Variants in NF1 observed in about 807,000 individuals in gnomAD.
NF1 encodes neurofibromin.
In NF1, 122 loss-of-function variants were observed where a neutral mutation model predicts 325.7. The observed-to-expected ratio is 0.37, with a 90% confidence interval of 0.32 to 0.44. The LOEUF (loss-of-function observed/expected upper bound fraction) is 0.44. Ranked by LOEUF, NF1 falls within the 20% of genes least tolerant of loss-of-function variation. The pLI, the probability that NF1 is intolerant of heterozygous loss-of-function variation, is 1.00. For synonymous variants in NF1, 1,091 were observed against 1,186.0 expected (o/e 0.92, Z 1.65); for missense variants, 2,140 against 3,415.4 (o/e 0.63, Z 9.31).
At chr17:31,150,894 C>A (rs1916891174) in intron 1 of NF1, among the ~76,000 whole-genome samples, 1 of 151,880 alleles carries the variant, frequency 6.6e-6, no homozygotes, top group African/African-American at 2.4e-5. Context: ...ATTAGCCAGG[C>A]AATGGTGGTG....
chr17:31,159,171 T>A, intron 3 of NF1, 78 bp downstream of exon 3: 1 of 1,020,742 alleles, frequency 9.8e-7, no homozygotes, highest in Non-Finnish European at 1.6e-6. Context: ...AGTACAGATG[T>A]GGACCAAGAG....
intron 1 of NF1, among the ~76,000 whole-genome samples, chr17:31,145,145 C>T (rs1254951660): frequency 3.3e-5 from 5 of 152,190 alleles, no homozygotes; most frequent in Non-Finnish European, 7.3e-5. Context: ...CTTGCAACTA[C>T]TGCCGTGAAT....
At chr17:31,325,681 A>C (rs1470616657) in intron 36 of NF1, 139 bp from the exon 37 acceptor site, 1 of 726,724 alleles carries the variant, frequency 1.4e-6, no homozygotes, top group Non-Finnish European at 2.2e-6. Context: ...CTGATTTAAA[A>C]AATGAATCCA....
chr17:31,116,816 C>T (rs974786827), intron 1 of NF1, among the ~76,000 whole-genome samples: 1 of 149,928 alleles, frequency 6.7e-6, no homozygotes, highest in South Asian at 2.1e-4. Flanking sequence ...TACAGGTGCC[C>T]GCCCCCATGC....
intron 14 of NF1, 48 bp downstream of exon 14, chr17:31,219,166 T>C: frequency 6.4e-7 from 1 of 1,562,720 alleles, no homozygotes; most frequent in South Asian, 1.1e-5. Flanking sequence ...ATTGTAACTA[T>C]GTACATTCAT....
intron 14 of NF1, 194 bp downstream of exon 14, chr17:31,219,312 A>AG: frequency 2.3e-6 from 1 of 440,148 alleles, no homozygotes; most frequent in Non-Finnish European, 4.0e-6. Context: ...TCACATAGCA[A>AG]TAACATTGTA....
chr17:31,182,441 G>A, intron 7 of NF1, 67 bp from the exon 8 acceptor site: 2 of 1,527,190 alleles, frequency 1.3e-6, no homozygotes, highest in Non-Finnish European at 1.8e-6. Context: ...CATAGTGTCA[G>A]CTTTTACTTT....
At position 31,334,953 on chromosome 17, in the gene NF1, C is replaced by A. The variant is rs568852704; in HGVS notation, c.5928C>A (p.Asp1976Glu). ...AKRQRVTAIL[D>E]KLITMTINEK... ...GACAAAGAGTTACTGCTATTCTTGACAAGCTGATAACAATGACCATCAATG... is the reference window on the plus strand; with the variant it reads ...GACAAAGAGTTACTGCTATTCTTGAAAAGCTGATAACAATGACCATCAATG... The change falls in exon 40 of 58, where the codon GAC becomes GAA. Residue 1976 changes from aspartate to glutamate, a missense_variant. Transcript: ENST00000358273. 6.2e-7 allele frequency: 1 copy of A among 1,613,568 alleles called. No individual in the cohort carries two copies. Among genetic ancestry groups the A allele is most frequent in the Admixed American group, 1.7e-5 (1 of 59,930 alleles).
intron 36 of NF1, among the ~76,000 whole-genome samples, chr17:31,282,018 CCACTG>C (rs1049729601): frequency 4.6e-5 from 7 of 151,740 alleles, no homozygotes; most frequent in South Asian, 2.1e-4. Context: ...TGAGATCAAG[CCACTG>C]CACTCCAGCC....
intron 57 of NF1, among the ~76,000 whole-genome samples, chr17:31,362,945 C>T (rs1177350344): frequency 1.3e-5 from 2 of 152,220 alleles, no homozygotes; most frequent in South Asian, 2.1e-4. Context: ...CAGTCTTACT[C>T]TACAACCTTT....
chr17:31,240,322 G>A (rs997059943), intron 29 of NF1, among the ~76,000 whole-genome samples: 4 of 151,676 alleles, frequency 2.6e-5, no homozygotes, highest in Admixed American at 6.6e-5. Context: ...ACAAATAAGA[G>A]AGCGCACGAT....
chr17:31,163,526 C>T, intron 4 of NF1, 150 bp downstream of exon 4: 2 of 780,074 alleles, frequency 2.6e-6, no homozygotes, highest in Non-Finnish European at 4.1e-6. Context: ...CTTTGACCTC[C>T]CAGGCTTAGG....
chr17:31,319,018 G>A (rs1597820388), intron 36 of NF1: 1 of 1,588,942 alleles, frequency 6.3e-7, no homozygotes, highest in Non-Finnish European at 8.5e-7. Flanking sequence ...GGGCATGCTT[G>A]GCAATCTGTT....
In NF1 at chr17:31,159,069, T is replaced by C. The variant is rs1359209770; in HGVS notation, c.264T>C (p.Asp88=). The C allele has an allele frequency of 1.9e-6, 3 of 1,609,058 alleles. No individual in the cohort carries two copies. The African/African-American group carries it at 4.0e-5, about 22-fold the overall frequency. ...ATCTCTCTCAGTTGATTATATTGGA[T>C]ACACTGGAAAAATGTCTTGCTGGGG... ...NLYLSQLIIL[D]TLEKCLAGQP... Residue 88 remains aspartate (D), a synonymous_variant, in exon 3 of 58, where the codon GAT becomes GAC. Transcript: ENST00000358273.
chr17:31,226,659 C>G lies in NF1; in HGVS notation c.2226C>G (p.Ala742=), dbSNP rs1060503912. Residue 742 remains alanine, a synonymous_variant, in exon 18 of 58, where the codon GCC becomes GCG. Coordinates refer to ENST00000358273, the MANE Select transcript of NF1 (RefSeq NM_001042492.3). ...LPNYNTFMEF[A]SVSNMMSTGR... ...ACTATAACACATTCATGGAGTTTGC[C>G]TCTGTCAGCAATATGATGTCAACAG... 2 of 1,613,768 alleles carry G rather than the reference C, an allele frequency of 1.2e-6. No homozygotes were observed. The highest frequency in any genetic ancestry group is 2.2e-5 in the South Asian group (2 of 91,066).
chr17:31,300,460 T>C (rs1296489463), intron 36 of NF1, among the ~76,000 whole-genome samples: 1 of 152,096 alleles, frequency 6.6e-6, no homozygotes, highest in African/African-American at 2.4e-5. Context: ...TGAGTATCAC[T>C]CCATATCAGT....
Position 31,181,031 on chromosome 17 carries a change from A to G in NF1, c.587-391A>G, listed in dbSNP as rs1483900000. Among the ~76,000 whole-genome samples, 5 of 152,328 alleles carry G rather than the reference A, an allele frequency of 3.3e-5. No homozygotes were observed. In the East Asian group the frequency reaches 9.6e-4, roughly 29 times the overall value. ...AGAGAATAAAATACCTAGGAATCCA[A>G]CTTACAAGGGATGTGAAGGACCTCT... On this transcript the variant is annotated intron_variant, in intron 5 of 57. Transcript: ENST00000358273.
intron 12 of NF1, among the ~76,000 whole-genome samples, chr17:31,213,012 T>C (rs1312314861): frequency 2.0e-5 from 3 of 152,228 alleles, no homozygotes; most frequent in Non-Finnish European, 4.4e-5. Flanking sequence ...GGAAAAATTC[T>C]GATACCTGCT....
intron 1 of NF1, among the ~76,000 whole-genome samples, chr17:31,107,598 T>A (rs1912979745): frequency 6.6e-6 from 1 of 151,588 alleles, no homozygotes; most frequent in African/African-American, 2.4e-5. Flanking sequence ...AATAAATAAA[T>A]AAAATAAATA....
Sources: gnomAD v4.1 joint callset for allele counts (sites outside exome capture counted in the v4.1 genomes callset) on GRCh38, gnomAD v4.1.1 for gene constraint, MANE v1.5 for transcripts, NCBI Gene and HGNC (gene_info 2026-07-23, HGNC 2026-07-21) for gene names.